Variants in ATF6 observed in about 807,000 individuals in gnomAD.
ATF6 encodes activating transcription factor 6.
A neutral mutation model predicts 83.6 loss-of-function variants in ATF6; 53 were observed. The observed-to-expected ratio is 0.63, with a 90% CI of 0.51 to 0.80. The LOEUF (loss-of-function observed/expected upper bound fraction) is 0.80. Ranked by LOEUF, ATF6 falls within the 30% of genes least tolerant of loss-of-function variation. The probability of loss-of-function intolerance (pLI) is 0.00; values close to 1 mark genes in which losing one functional copy is unlikely to be tolerated. For synonymous variants in ATF6, 288 were observed against 285.8 expected, an observed-to-expected ratio of 1.01 and a Z score of -0.08; for missense variants, 744 against 797.9, an observed-to-expected ratio of 0.93 and a Z score of 0.81.
At chr1:161,947,773 T>A (rs1054263115) in intron 15 of ATF6, among the ~76,000 whole-genome samples, 3 of 145,078 alleles carry the variant, frequency 2.1e-5, no homozygotes, top group Non-Finnish European at 4.5e-5. Flanking sequence ...TTTCATATTA[T>A]AGAAATAAAA....
intron 12 of ATF6, 57 bp downstream of exon 12, chr1:161,853,380 C>A (rs1686683909): frequency 1.5e-6 from 2 of 1,355,226 alleles, no homozygotes; most frequent in Non-Finnish European, 2.1e-6. Flanking sequence ...AGGCTTCTCC[C>A]AGCTGGGTTA....
At chr1:161,929,841 C>T (rs1688395166) in intron 15 of ATF6, among the ~76,000 whole-genome samples, 2 of 152,184 alleles carry the variant, frequency 1.3e-5, no homozygotes, top group Admixed American at 6.5e-5. Context: ...GTTATAAAGT[C>T]CTAAAGAATG....
chr1:161,939,209 A>G (rs1688596930), intron 15 of ATF6, among the ~76,000 whole-genome samples: 1 of 151,938 alleles, frequency 6.6e-6, no homozygotes, highest in Non-Finnish European at 1.5e-5. Context: ...TTTTCATCTT[A>G]TTTCATTAGA....
At chr1:161,799,598 A>G (rs1685097866) in intron 6 of ATF6, among the ~76,000 whole-genome samples, 1 of 152,242 alleles carries the variant, frequency 6.6e-6, no homozygotes, top group Non-Finnish European at 1.5e-5. Flanking sequence ...AGTTGGGGGA[A>G]AGAAAAACTG....
At chr1:161,867,430 A>G (rs1039390685) in intron 14 of ATF6, among the ~76,000 whole-genome samples, 1 of 152,168 alleles carries the variant, frequency 6.6e-6, no homozygotes, top group Admixed American at 6.5e-5. Flanking sequence ...TAAGAAGAAG[A>G]TGATTTTAAA....
intron 14 of ATF6, among the ~76,000 whole-genome samples, chr1:161,872,833 G>GAGAT (rs914977910): frequency 1.2e-4 from 18 of 151,468 alleles, no homozygotes; most frequent in African/African-American, 4.1e-4. Flanking sequence ...GAAGGAAATG[G>GAGAT]AGATAGCCTA....
At position 161,807,865 on chromosome 1, in the gene ATF6, C is replaced by CTTTTTTTTTT. The variant is rs761462420; in HGVS notation, c.909+5616_909+5625dup. Among the ~76,000 whole-genome samples, 19 of 32,342 alleles carry CTTTTTTTTTT rather than the reference C, an allele frequency of 5.9e-4. 2 individuals carry two copies. Among genetic ancestry groups the CTTTTTTTTTT allele is most frequent in the African/African-American group, 1.6e-3 (14 of 8,762 alleles). The allele number at this position is 32,342 out of a possible 152,430, so 21.2% of individuals were successfully genotyped here. The stretch of plus-strand genomic sequence containing the variant: ...CTTTTTGTACTTTTTAGTTTGTCAT[C>CTTTTTTTTTT]TTTTTTTTTTTTTTTTTTTTTTTTT... On this transcript the variant is annotated intron_variant, in intron 7 of 15. Transcript: ENST00000367942.
chr1:161,828,267 G>A (rs1158116341), intron 9 of ATF6, among the ~76,000 whole-genome samples: 1 of 152,062 alleles, frequency 6.6e-6, no homozygotes, highest in Non-Finnish European at 1.5e-5. Flanking sequence ...GAAACTCATT[G>A]CAGTTTAGCA....
intron 7 of ATF6, among the ~76,000 whole-genome samples, chr1:161,803,116 A>G (rs911284026): frequency 2.6e-5 from 4 of 152,234 alleles, no homozygotes; most frequent in Admixed American, 6.5e-5. Flanking sequence ...TTCTTTAGGT[A>G]GAATGCATTT....
chr1:161,863,323 C>G lies in ATF6; in HGVS notation c.1719+11C>G. The G allele has an allele frequency of 6.4e-7, 1 of 1,562,732 alleles. No homozygotes were observed. The highest frequency in any genetic ancestry group is 8.8e-7 in the Non-Finnish European group (1 of 1,133,550). Reference sequence around the variant, plus strand: ...GTGTCATTTCGAAGGGTAAGTTCATCTTGAAAGAATAGAGCAAATATTTTT... The same window carrying G: ...GTGTCATTTCGAAGGGTAAGTTCATGTTGAAAGAATAGAGCAAATATTTTT... On this transcript the variant is annotated intron_variant, in intron 14 of 15. Transcript: ENST00000367942.
At chr1:161,807,024 C>G (rs1685300350) in intron 7 of ATF6, among the ~76,000 whole-genome samples, 1 of 152,020 alleles carries the variant, frequency 6.6e-6, no homozygotes, top group Non-Finnish European at 1.5e-5. Context: ...GTATAGCAAG[C>G]AGAAAGCAAG....
At chr1:161,893,810 C>T (rs753850411) in intron 14 of ATF6, among the ~76,000 whole-genome samples, 3 of 152,168 alleles carry the variant, frequency 2.0e-5, no homozygotes, top group Admixed American at 6.5e-5. Context: ...TCATCTAAGA[C>T]TTAACATATC....
chr1:161,858,779 T>C (rs999962398), intron 12 of ATF6, among the ~76,000 whole-genome samples: 2 of 152,238 alleles, frequency 1.3e-5, no homozygotes, highest in African/African-American at 4.8e-5. Context: ...GACTAGTTTT[T>C]CAGAGGTTCC....
At chr1:161,878,883 G>A (rs1418630607) in intron 14 of ATF6, among the ~76,000 whole-genome samples, 2 of 152,248 alleles carry the variant, frequency 1.3e-5, no homozygotes, top group East Asian at 3.9e-4. Context: ...AGTGAGAACA[G>A]CATAACTATT....
intron 9 of ATF6, among the ~76,000 whole-genome samples, chr1:161,827,499 G>T (rs114781932): frequency 0.013 from 1,982 of 152,248 alleles, 48 homozygotes; most frequent in African/African-American, 0.044. Context: ...CAGACAAATA[G>T]ACATTTGAAT....
At chr1:161,921,450 T>C (rs1020382776) in intron 15 of ATF6, among the ~76,000 whole-genome samples, 1 of 152,028 alleles carries the variant, frequency 6.6e-6, no homozygotes. Context: ...TTTGGAACAA[T>C]CTCAAGATGA....
At chr1:161,843,027 G>C (rs1216522857) in intron 9 of ATF6, among the ~76,000 whole-genome samples, 5 of 152,174 alleles carry the variant, frequency 3.3e-5, no homozygotes, top group Admixed American at 2.0e-4. Flanking sequence ...TTGCAGTTCA[G>C]TGTGGTAGAT....
At chr1:161,826,298 G>T (rs1464699785) in intron 9 of ATF6, among the ~76,000 whole-genome samples, 1 of 152,104 alleles carries the variant, frequency 6.6e-6, no homozygotes, top group East Asian at 1.9e-4. Context: ...AATTTTTTGA[G>T]TGCCCCCACC....
At chr1:161,935,632 T>C (rs1688521319) in intron 15 of ATF6, among the ~76,000 whole-genome samples, 1 of 152,258 alleles carries the variant, frequency 6.6e-6, no homozygotes, top group Non-Finnish European at 1.5e-5. Context: ...TTAGTGCAAA[T>C]GTAATTGCTG....
Sources: gnomAD v4.1 joint callset for allele counts (sites outside exome capture counted in the v4.1 genomes callset) on GRCh38, gnomAD v4.1.1 for gene constraint, MANE v1.5 for transcripts, NCBI Gene and HGNC (gene_info 2026-07-23, HGNC 2026-07-21) for gene names.